VRK2: variants seen among roughly 807,000 people sequenced by gnomAD.
VRK2 encodes the protein VRK serine/threonine kinase 2.
VRK2 carries 60 observed loss-of-function variants against 57.6 expected under a neutral mutation model. That is an observed-to-expected ratio of 1.04 (90% CI 0.85 to 1.29). The LOEUF (loss-of-function observed/expected upper bound fraction) is 1.29, where lower values mean the gene tolerates loss of function less well. Among genes scored for constraint, VRK2 ranks in the 50% most tolerant of loss-of-function variants. The pLI is 0.00. For missense variants in VRK2, 705 were observed against 588.1 expected (o/e 1.20, Z -2.06); for synonymous variants, 231 against 199.2 (o/e 1.16, Z -1.35).
At chr2:58,079,844 C>T (rs970655607) in intron 2 of VRK2, among the ~76,000 whole-genome samples, 6 of 151,964 alleles carry the variant, frequency 3.9e-5, no homozygotes, top group African/African-American at 7.2e-5. Context: ...GTCCTCATTT[C>T]TACTGAGAGA....
chr2:58,124,491 A>T (rs535655577), intron 8 of VRK2, among the ~76,000 whole-genome samples: 1 of 152,254 alleles, frequency 6.6e-6, no homozygotes, highest in Non-Finnish European at 1.5e-5. Flanking sequence ...GCTAAACCAA[A>T]CAATTTTTAA....
At chr2:58,114,393 G>A (rs1467318962) in intron 7 of VRK2, among the ~76,000 whole-genome samples, 2 of 152,116 alleles carry the variant, frequency 1.3e-5, no homozygotes, top group South Asian at 4.1e-4. Flanking sequence ...ATGGTGAATA[G>A]GAGTATGACT....
intron 1 of VRK2, among the ~76,000 whole-genome samples, chr2:57,945,401 C>T (rs1274690920): frequency 6.6e-6 from 1 of 152,116 alleles, no homozygotes; most frequent in African/African-American, 2.4e-5. Flanking sequence ...GTCACCATAT[C>T]TACCAGTATA....
intron 1 of VRK2, among the ~76,000 whole-genome samples, chr2:57,943,031 T>G (rs1203984819): frequency 3.9e-5 from 6 of 152,222 alleles, no homozygotes; most frequent in Non-Finnish European, 8.8e-5. Context: ...ATAGGCATTA[T>G]AAGCAATTAA....
intron 1 of VRK2, among the ~76,000 whole-genome samples, chr2:57,997,769 C>T (rs1363108223): frequency 1.3e-5 from 2 of 151,920 alleles, no homozygotes; most frequent in Non-Finnish European, 2.9e-5. Flanking sequence ...GTGGGGTGCG[C>T]CTGTGGTCCC....
intron 11 of VRK2, among the ~76,000 whole-genome samples, chr2:58,142,168 A>T (rs1681445755): frequency 1.3e-5 from 2 of 151,952 alleles, no homozygotes; most frequent in African/African-American, 4.8e-5. Flanking sequence ...GTAACTGTTT[A>T]CATTTTTAAA....
intron 1 of VRK2, among the ~76,000 whole-genome samples, chr2:57,922,176 T>C (rs902192618): frequency 1.3e-5 from 2 of 152,026 alleles, no homozygotes; most frequent in Non-Finnish European, 2.9e-5. Flanking sequence ...CAATTCACTC[T>C]TCTAAGGATA....
At position 58,046,864 on chromosome 2, in the gene VRK2, G is replaced by T; in HGVS notation, c.-10G>T. 1 of 985,456 alleles carries T rather than the reference G, an allele frequency of 1.0e-6. No homozygotes were observed. Among genetic ancestry groups the T allele is most frequent in the Non-Finnish European group, 1.2e-6 (1 of 829,930 alleles). The allele number at this position is 985,456 out of a possible 1,614,324, so 61.0% of individuals were successfully genotyped here. On this transcript the variant is annotated 5_prime_UTR_variant, in exon 1 of 13. Transcript: ENST00000340157. ...CGGCCCGGCGACGGGGGATCCTGAG[G>T]CCCGGTCAGTCTCTTGCTCTGGGGT...
At chr2:58,094,057 G>T (rs534757363) in intron 7 of VRK2, among the ~76,000 whole-genome samples, 8 of 152,276 alleles carry the variant, frequency 5.3e-5, no homozygotes, top group Admixed American at 1.3e-4. Flanking sequence ...ATGCTGTTTT[G>T]GTTACTGTAG....
intron 6 of VRK2, 35 bp from the exon 7 acceptor site, chr2:58,089,596 G>A: frequency 7.4e-7 from 1 of 1,351,964 alleles, no homozygotes; most frequent in Non-Finnish European, 1.0e-6. Flanking sequence ...GTTCTAAATA[G>A]CAGTAAACCT....
At chr2:57,962,143 G>A (rs1671781328) in intron 1 of VRK2, among the ~76,000 whole-genome samples, 1 of 152,162 alleles carries the variant, frequency 6.6e-6, no homozygotes, top group African/African-American at 2.4e-5. Flanking sequence ...CCAAAAGGCT[G>A]AGTACATATC....
At chr2:58,072,998 T>A (rs1352818318) in intron 2 of VRK2, among the ~76,000 whole-genome samples, 1 of 152,122 alleles carries the variant, frequency 6.6e-6, no homozygotes, top group Non-Finnish European at 1.5e-5. Flanking sequence ...TTCTGCTGCA[T>A]CCCTACATTT....
rs1681038241 is a variant in VRK2, at chr2:58,139,673, A to G, written c.864A>G (p.Ile288Met). The G allele has an allele frequency of 6.2e-7, 1 of 1,610,842 alleles. No individual in the cohort carries two copies. Among genetic ancestry groups the G allele is most frequent in the African/African-American group, 1.3e-5 (1 of 74,882 alleles). The change falls in exon 11 of 13, where the codon ATA becomes ATG. Residue 288 changes from isoleucine (I) to methionine (M), a missense_variant. Ile to Met is a conservative substitution (Grantham distance 10). Coordinates refer to ENST00000340157, the MANE Select transcript of VRK2 (RefSeq NM_006296.7). ...WAPSGSSCCE[I>M]AQFLVCAHSL... ...AAATTTAATAATTCACAGGTGAAAT[A>G]GCCCAATTTTTGGTATGTGCTCATA...
chr2:58,059,631 T>C (rs182493725), intron 2 of VRK2, among the ~76,000 whole-genome samples: 17 of 151,920 alleles, frequency 1.1e-4, no homozygotes, highest in Non-Finnish European at 2.4e-4. Flanking sequence ...GTCTAGGTTT[T>C]GGAAAATTAT....
intron 2 of VRK2, among the ~76,000 whole-genome samples, chr2:58,064,274 G>A (rs1281700280): frequency 6.6e-6 from 1 of 152,004 alleles, no homozygotes; most frequent in African/African-American, 2.4e-5. Context: ...CAACATTGTG[G>A]GCTACAGAGA....
At chr2:58,083,473 AGTAAG>A (rs903139007) in intron 2 of VRK2, among the ~76,000 whole-genome samples, 1 of 151,888 alleles carries the variant, frequency 6.6e-6, no homozygotes, top group African/African-American at 2.4e-5. Flanking sequence ...AATTAAATGA[AGTAAG>A]GTAACTTGAA....
At chr2:58,116,939 T>G (rs914975314) in intron 7 of VRK2, among the ~76,000 whole-genome samples, 21 of 152,224 alleles carry the variant, frequency 1.4e-4, no homozygotes, top group African/African-American at 5.1e-4. Context: ...CGTTTGGAAG[T>G]TCTTGTGTGC....
intron 7 of VRK2, among the ~76,000 whole-genome samples, chr2:58,111,142 C>G (rs937490760): frequency 2.0e-5 from 3 of 152,114 alleles, no homozygotes; most frequent in Non-Finnish European, 2.9e-5. Flanking sequence ...TTGGAGGAGT[C>G]GAGAAGTTCA....
chr2:58,062,855 G>A (rs112314289), intron 2 of VRK2, among the ~76,000 whole-genome samples: 3,348 of 152,200 alleles, frequency 0.022, 139 homozygotes, highest in African/African-American at 0.076. Flanking sequence ...AGTTCTAGCT[G>A]AGATCAATGA....
Sources: allele counts gnomAD v4.1 joint callset (sites outside exome capture counted in the v4.1 genomes callset), GRCh38; gene constraint gnomAD v4.1.1; transcripts MANE v1.5; gene names NCBI Gene and HGNC (gene_info 2026-07-23, HGNC 2026-07-21).